LRRC2: variants seen among roughly 807,000 people sequenced by gnomAD.
LRRC2 encodes the protein leucine-rich repeat-containing protein 2.
Under a neutral mutation model 40.2 loss-of-function variants are expected in LRRC2, and 27 were observed. The ratio of observed to expected loss-of-function variants is 0.67; its 90% CI spans 0.49 to 0.93. The LOEUF is 0.93. Ranked by LOEUF, LRRC2 falls within the 40% of genes least tolerant of loss-of-function variation. LRRC2 has a pLI of 0.00. For missense variants in LRRC2, 402 were observed against 439.6 expected, an observed-to-expected ratio of 0.91 and a Z score of 0.76; for synonymous variants, 147 against 158.9, an observed-to-expected ratio of 0.92 and a Z score of 0.56.
chr3:46,527,723 T>C (rs2106987128), intron 6 of LRRC2, 142 bp from the exon 7 acceptor site: 2 of 720,980 alleles, frequency 2.8e-6, no homozygotes, highest in Non-Finnish European at 4.5e-6. Context: ...TTATTCTAAG[T>C]TTTGTTCTTC....
At chr3:46,546,518 C>T (rs535866710) in intron 2 of LRRC2, among the ~76,000 whole-genome samples, 4 of 152,146 alleles carry the variant, frequency 2.6e-5, no homozygotes, top group South Asian at 2.1e-4. Flanking sequence ...CCCGGAATGC[C>T]GGAGCCTCCA....
At chr3:46,550,797 A>C (rs572081366) in intron 2 of LRRC2, among the ~76,000 whole-genome samples, 8 of 152,304 alleles carry the variant, frequency 5.3e-5, no homozygotes, top group Middle Eastern at 6.8e-3. Flanking sequence ...TGAGAATCCC[A>C]TTGTGTCAAT....
intron 7 of LRRC2, among the ~76,000 whole-genome samples, chr3:46,526,356 G>T (rs528429740): frequency 6.6e-6 from 1 of 152,316 alleles, no homozygotes; most frequent in South Asian, 2.1e-4. Flanking sequence ...TACCCTGACT[G>T]CTATGAGACA....
At chr3:46,533,803 C>CTTTCTTTCTTTCTTTG (rs1324185043) in intron 4 of LRRC2, among the ~76,000 whole-genome samples, 8 of 122,152 alleles carry the variant, frequency 6.5e-5, no homozygotes, top group East Asian at 2.8e-4. Context: ...TTCTTTGTTT[C>CTTTCTTTCTTTCTTTG]TTTCTTTCTT....
At chr3:46,549,738 C>T (rs886961591) in intron 2 of LRRC2, among the ~76,000 whole-genome samples, 3 of 152,260 alleles carry the variant, frequency 2.0e-5, no homozygotes, top group Non-Finnish European at 4.4e-5. Context: ...CTGCAAATGG[C>T]TCCTCTTCCA....
chr3:46,549,053 G>A (rs139956170), intron 2 of LRRC2, among the ~76,000 whole-genome samples: 1 of 152,250 alleles, frequency 6.6e-6, no homozygotes, highest in Non-Finnish European at 1.5e-5. Flanking sequence ...AAATGATCAA[G>A]TTTCATTCGG....
chr3:46,553,447 T>C (rs945734366), intron 1 of LRRC2, among the ~76,000 whole-genome samples: 1 of 152,168 alleles, frequency 6.6e-6, no homozygotes, highest in Non-Finnish European at 1.5e-5. Flanking sequence ...AAATATTTAA[T>C]CTTCTTTTTC....
chr3:46,564,151 C>A (rs1446297883), intron 1 of LRRC2, among the ~76,000 whole-genome samples: 3 of 152,062 alleles, frequency 2.0e-5, no homozygotes, highest in African/African-American at 7.2e-5. Flanking sequence ...AGAGGCTGAA[C>A]CAACCCCTGT....
chr3:46,537,095 TAAGGACAGAACCTTTCTACTTGAA>T (rs1704282545), intron 4 of LRRC2, among the ~76,000 whole-genome samples: 1 of 152,148 alleles, frequency 6.6e-6, no homozygotes, highest in African/African-American at 2.4e-5. Flanking sequence ...CTCAAATGTA[TAAGGACAGAACCTTTCTACTTGAA>T]AAGGGTTGTT....
At chr3:46,549,062 G>A (rs6778422) in intron 2 of LRRC2, among the ~76,000 whole-genome samples, 13,912 of 152,122 alleles carry the variant, frequency 0.091, 773 homozygotes, top group South Asian at 0.18. Context: ...AGTTTCATTC[G>A]GAGAGAGTGA....
At chr3:46,540,224 C>T (rs1704356775) in intron 3 of LRRC2, among the ~76,000 whole-genome samples, 1 of 152,164 alleles carries the variant, frequency 6.6e-6, no homozygotes, top group African/African-American at 2.4e-5. Flanking sequence ...TGCAACAGTA[C>T]CATAAGATAG....
intron 1 of LRRC2, among the ~76,000 whole-genome samples, chr3:46,560,999 T>G (rs1242503131): frequency 2.0e-5 from 3 of 152,166 alleles, no homozygotes; most frequent in African/African-American, 7.2e-5. Context: ...ATCTTTTGTT[T>G]TAGTACAGGG....
chr3:46,563,581 C>T (rs187745741), intron 1 of LRRC2, among the ~76,000 whole-genome samples: 2 of 152,366 alleles, frequency 1.3e-5, no homozygotes, highest in East Asian at 3.9e-4. Flanking sequence ...CCTTCCCAGC[C>T]TCCTCATCTA....
intron 6 of LRRC2, among the ~76,000 whole-genome samples, chr3:46,528,269 T>G (rs1357091689): frequency 6.7e-6 from 1 of 149,442 alleles, no homozygotes; most frequent in East Asian, 2.0e-4. Context: ...AAACAGATTT[T>G]AGCAATGTAC....
rs1157770369 is a variant in LRRC2 at position 46,527,532 on chromosome 3, G to C, written c.823C>G (p.Leu275Val). 6.2e-7 allele frequency: 1 copy of C among 1,613,796 alleles called. No individual in the cohort carries two copies. Among genetic ancestry groups the C allele is most frequent in the Non-Finnish European group, 8.5e-7 (1 of 1,179,856 alleles). ...TTCAGGTTCAGCATGGAATAGGGAA[G>C]GTAGGTCAACTTGTTTTTATACAAG... ...FLLYKNKLTY[L>V]PYSMLNLKKL... Residue 275 changes from leucine (L) to valine (V), a missense_variant, in exon 7 of 9, where the codon CTT becomes GTT. By Grantham distance (32) the Leu-to-Val change is conservative (BLOSUM62 1). Coordinates refer to ENST00000395905, the MANE Select transcript of LRRC2 (RefSeq NM_024512.5).
In LRRC2 at chr3:46,516,543, T is replaced by C. The variant is rs1703865349; in HGVS notation, c.*2471A>G. 1 of 152,226 alleles carries C rather than the reference T, an allele frequency of 6.6e-6. No homozygotes were observed. The highest frequency in any genetic ancestry group is 1.5e-5 in the Non-Finnish European group (1 of 68,054). 9.4% of individuals were successfully genotyped at this position (152,226 alleles called of 1,614,324 possible). A position where few individuals can be genotyped will look rare whatever the true frequency, so the allele number is the denominator to read the frequency against. On this transcript the variant is annotated 3_prime_UTR_variant, in exon 9 of 9. Transcript: ENST00000395905. The stretch of plus-strand genomic sequence containing the variant: ...AACTAGCTAGACCTGTTCAGGAGTA[T>C]GGTAGCCACATGTGTGTGGGGTCCC...
chr3:46,545,075 C>T lies in LRRC2; in HGVS notation c.304G>A (p.Val102Met). 3 of 1,613,262 alleles carry T rather than the reference C, an allele frequency of 1.9e-6. No homozygotes were observed. Among genetic ancestry groups the T allele is most frequent in the Non-Finnish European group, 2.5e-6 (3 of 1,179,932 alleles). ...CAGTGCTCCCCAGAAAGTTCAAACACAAACGCACTGCTCCGTTTGCCTCTG... is the reference window on the plus strand; with the variant it reads ...CAGTGCTCCCCAGAAAGTTCAAACATAAACGCACTGCTCCGTTTGCCTCTG... ...KDRGKRSSAFVFELSGEHWTE... is the reference protein window; with the variant it reads ...KDRGKRSSAFMFELSGEHWTE... Residue 102 changes from valine (V) to methionine (M), a missense_variant, in exon 3 of 9, where the codon GTG becomes ATG. By Grantham distance (21) the Val-to-Met change is conservative. Transcript: ENST00000395905.
chr3:46,521,519 C>A lies in LRRC2; in HGVS notation c.1066+3G>T. Reference sequence around the variant, plus strand: ...TAAATAATTTTAAATATGAGTAACCCACCTCTTTCTTTAAGGTCTTCAATA... The same window carrying A: ...TAAATAATTTTAAATATGAGTAACCAACCTCTTTCTTTAAGGTCTTCAATA... On this transcript the variant is annotated splice_donor_region_variant and intron_variant, in intron 8 of 8. Coordinates refer to ENST00000395905, the MANE Select transcript of LRRC2 (RefSeq NM_024512.5). The A allele has an allele frequency of 6.3e-7, 1 of 1,590,712 alleles. No individual in the cohort carries two copies. Among genetic ancestry groups the A allele is most frequent in the South Asian group, 1.1e-5 (1 of 88,758 alleles).
rs150232349 is a variant in LRRC2, at chr3:46,519,680, T to G, written c.1067-617A>C. Among the ~76,000 whole-genome samples, 986 of 152,316 alleles carry G rather than the reference T, an allele frequency of 6.5e-3. 13 individuals carry two copies. Among genetic ancestry groups the G allele is most frequent in the African/African-American group, 0.022 (918 of 41,562 alleles). ...TTCTCAGGCCCTGCCCCAGGCCTGA[T>G]GAGTAAAAACTCTCATTCCTATGTT... On this transcript the variant is annotated intron_variant, in intron 8 of 8. Transcript: ENST00000395905.
Sources: allele counts gnomAD v4.1 joint callset (sites outside exome capture counted in the v4.1 genomes callset), GRCh38; gene constraint gnomAD v4.1.1; transcripts MANE v1.5; gene names NCBI Gene and HGNC (gene_info 2026-07-23, HGNC 2026-07-21).